The following GPR107 variants were observed in gnomAD, a reference collection of about 807,000 sequenced individuals.
The protein encoded by GPR107 is protein GPR107.
GPR107 carries 31 observed loss-of-function variants against 75.5 expected under a neutral mutation model. The ratio of observed to expected loss-of-function variants is 0.41; its 90% CI spans 0.31 to 0.55. The LOEUF (loss-of-function observed/expected upper bound fraction) is 0.55. GPR107 is among the 20% of genes least tolerant of loss of function. GPR107 has a pLI of 0.26. For missense variants in GPR107, 572 were observed against 665.7 expected (o/e 0.86, Z 1.55); for synonymous variants, 267 against 251.3 (o/e 1.06, Z -0.59).
chr9:130,125,864 A>G (rs1340799809), intron 15 of GPR107, among the ~76,000 whole-genome samples: 2 of 152,016 alleles, frequency 1.3e-5, no homozygotes, highest in Non-Finnish European at 2.9e-5. Context: ...CCTGTCCAAC[A>G]TGGTGAAACC....
rs546872558 is a variant in GPR107, at chr9:130,086,040, T to C, written c.565-380T>C. Among the ~76,000 whole-genome samples the C allele has an allele frequency of 7.9e-5, 12 of 152,248 alleles. No homozygotes were observed. The South Asian group carries it at 2.1e-3, about 26-fold the overall frequency. On this transcript the variant is annotated intron_variant, in intron 6 of 17. Coordinates refer to ENST00000347136, the MANE Select transcript of GPR107 (RefSeq NM_020960.5). ...TGTTGGGATTACAGGCGTGAGCCACTGTGCCTGGCCAATATTTTGGTCATT... is the reference window on the plus strand; with the variant it reads ...TGTTGGGATTACAGGCGTGAGCCACCGTGCCTGGCCAATATTTTGGTCATT...
intron 1 of GPR107, among the ~76,000 whole-genome samples, chr9:130,063,048 G>A (rs769682951): frequency 3.9e-5 from 6 of 152,164 alleles, no homozygotes; most frequent in African/African-American, 7.2e-5. Flanking sequence ...AATGTCTGGC[G>A]TATTTGAACT....
chr9:130,108,567 G>A (rs1283941987), intron 14 of GPR107, among the ~76,000 whole-genome samples: 1 of 152,178 alleles, frequency 6.6e-6, no homozygotes, highest in Admixed American at 6.5e-5. Flanking sequence ...AGATAGTATG[G>A]CATTCCTGCT....
At chr9:130,127,294 A>C (rs910822415) in intron 15 of GPR107, among the ~76,000 whole-genome samples, 189 bp from the exon 16 acceptor site, 2 of 152,190 alleles carry the variant, frequency 1.3e-5, no homozygotes, top group African/African-American at 4.8e-5. Context: ...GAGAGAAGAA[A>C]TTCAAGTGTA....
chr9:130,087,905 T>C (rs902805180), intron 7 of GPR107, among the ~76,000 whole-genome samples: 1 of 151,824 alleles, frequency 6.6e-6, no homozygotes, highest in Non-Finnish European at 1.5e-5. Flanking sequence ...CCCATGTAAT[T>C]CACTGTCTCA....
At chr9:130,110,608 A>T (rs1831273781) in intron 14 of GPR107, among the ~76,000 whole-genome samples, 1 of 152,124 alleles carries the variant, frequency 6.6e-6, no homozygotes, top group Admixed American at 6.5e-5. Flanking sequence ...TTTGGGCATC[A>T]CTCTGTACCC....
chr9:130,104,361 GC>G (rs1831109545), intron 12 of GPR107, 58 bp from the exon 13 acceptor site: 1 of 1,557,052 alleles, frequency 6.4e-7, no homozygotes, highest in East Asian at 2.2e-5. Flanking sequence ...CATTGGGGCT[GC>G]TAGCATCATA....
At chr9:130,091,027 T>A (rs1830721327) in intron 8 of GPR107, 44 bp downstream of exon 8, 2 of 820,142 alleles carry the variant, frequency 2.4e-6, no homozygotes, top group Non-Finnish European at 4.2e-6. Context: ...TTTGTCAGCA[T>A]AAAACGGGAG....
At chr9:130,130,887 A>AC (rs1413516216) in intron 17 of GPR107, among the ~76,000 whole-genome samples, 9 of 151,176 alleles carry the variant, frequency 6.0e-5, no homozygotes, top group East Asian at 1.9e-4. Flanking sequence ...GAAAAAAAAA[A>AC]AAAAAACGCA....
chr9:130,128,262 A>G (rs1470136210), intron 16 of GPR107, among the ~76,000 whole-genome samples: 1 of 152,154 alleles, frequency 6.6e-6, no homozygotes, highest in Non-Finnish European at 1.5e-5. Flanking sequence ...TATTTCGATA[A>G]TAAGTATCTT....
chr9:130,124,662 C>G (rs1831629427), intron 14 of GPR107, among the ~76,000 whole-genome samples: 1 of 152,178 alleles, frequency 6.6e-6, no homozygotes, highest in South Asian at 2.1e-4. Flanking sequence ...GCTGCTGACC[C>G]TGGGGCGGGA....
At chr9:130,100,214 T>C (rs568661068) in intron 10 of GPR107, among the ~76,000 whole-genome samples, 1 of 152,144 alleles carries the variant, frequency 6.6e-6, no homozygotes, top group African/African-American at 2.4e-5. Context: ...TTTTTATGTT[T>C]CCAGATATTC....
rs1196409115 is a variant in GPR107 at position 130,100,645 on chromosome 9, T to G, written c.956T>G (p.Ile319Ser). 1 of 1,612,298 alleles carries G rather than the reference T, an allele frequency of 6.2e-7. No homozygotes were observed. Among genetic ancestry groups the G allele is most frequent in the African/African-American group, 1.3e-5 (1 of 74,908 alleles). The change falls in exon 11 of 18, where the codon ATC becomes AGC. Residue 319 changes from isoleucine (I) to serine (S), a missense_variant. By Grantham distance (142) the Ile-to-Ser change is moderately radical (BLOSUM62 -2). Coordinates refer to ENST00000347136, the MANE Select transcript of GPR107 (RefSeq NM_020960.5). ...TGATTTCAGATTGACTACCACTACA[T>G]CTCCTCCCAGGGCTTCCCTATCGAA... ...LVFHAIDYHY[I>S]SSQGFPIEGW...
At chr9:130,128,843 C>A in intron 17 of GPR107, 82 bp downstream of exon 17, 1 of 1,307,780 alleles carries the variant, frequency 7.6e-7, no homozygotes, top group East Asian at 2.3e-5. Context: ...GGGTCGGCTG[C>A]TCTCAGCATT....
At chr9:130,090,530 T>C (rs974636813) in intron 7 of GPR107, among the ~76,000 whole-genome samples, 2 of 152,180 alleles carry the variant, frequency 1.3e-5, no homozygotes, top group African/African-American at 4.8e-5. Context: ...AAAACAGGCA[T>C]AGTAAAATGT....
Position 130,137,754 on chromosome 9 carries a change from C to G in GPR107, c.*2633C>G, listed in dbSNP as rs2132667944. The G allele has an allele frequency of 6.6e-6, 1 of 152,356 alleles. No individual in the cohort carries two copies. Among genetic ancestry groups the G allele is most frequent in the South Asian group, 2.1e-4 (1 of 4,820 alleles). 9.4% of individuals were successfully genotyped at this position (152,356 alleles called of 1,614,324 possible). A position where few individuals can be genotyped will look rare whatever the true frequency, so the allele number is the denominator to read the frequency against. On this transcript the variant is annotated 3_prime_UTR_variant, in exon 18 of 18. Coordinates refer to ENST00000347136, the MANE Select transcript of GPR107 (RefSeq NM_020960.5). ...GTGGCTTCACCAGCTGACAAGCCAC[C>G]CTCCTGCAGCCTGAGTTTCACAGTC...
intron 1 of GPR107, among the ~76,000 whole-genome samples, chr9:130,062,702 CGTTT>C (rs961625374): frequency 6.8e-6 from 1 of 146,024 alleles, no homozygotes; most frequent in Non-Finnish European, 1.5e-5. Context: ...TCCTTCCTTC[CGTTT>C]GTCTGTCCAT....
chr9:130,103,399 A>G lies in GPR107; in HGVS notation c.1132-1021A>G, dbSNP rs148644353. Among the ~76,000 whole-genome samples the G allele has an allele frequency of 6.6e-6, 1 of 152,288 alleles. No individual in the cohort carries two copies. The highest frequency in any genetic ancestry group is 1.9e-4 in the East Asian group (1 of 5,178). On this transcript the variant is annotated intron_variant, in intron 12 of 17. Coordinates refer to ENST00000347136, the MANE Select transcript of GPR107 (RefSeq NM_020960.5). This position sits in a 1 kb window ranked among gnomAD's most constrained non-coding sequence, Gnocchi z 4.3. ...GGACCAGGGACTTCTCATGGGGTAT[A>G]TAGGTGGAATGATAACCTCTGCATC... is the stretch of plus-strand genomic sequence containing the variant.
Position 130,106,296 on chromosome 9 carries a change from T to A in GPR107, c.1263-1200T>A, listed in dbSNP as rs1011481105. Among the ~76,000 whole-genome samples, 25 of 152,012 alleles carry A rather than the reference T, an allele frequency of 1.6e-4. 1 individual carries two copies. The highest frequency in any genetic ancestry group is 7.4e-5 in the Non-Finnish European group (5 of 68,014). On this transcript the variant is annotated intron_variant, in intron 13 of 17. Coordinates refer to ENST00000347136, the MANE Select transcript of GPR107 (RefSeq NM_020960.5). ...AGTCAGTAAGTACTGGAGAGGTGAT[T>A]CAAGATTAATAATATTTTTAGGCTG...
Sources: allele counts gnomAD v4.1 joint callset (sites outside exome capture counted in the v4.1 genomes callset), GRCh38; gene constraint gnomAD v4.1.1; non-coding constraint Gnocchi (gnomAD v3.1); transcripts MANE v1.5; gene names NCBI Gene and HGNC (gene_info 2026-07-23, HGNC 2026-07-21).